RELN: variants seen among roughly 807,000 people sequenced by gnomAD.
RELN encodes reelin.
A neutral mutation model predicts 427.6 loss-of-function variants in RELN; 108 were observed. The observed-to-expected ratio is 0.25, with a 90% CI of 0.22 to 0.30. The LOEUF (loss-of-function observed/expected upper bound fraction) is 0.30. Ranked by LOEUF, RELN falls within the 10% of genes least tolerant of loss-of-function variation. The pLI, the probability that RELN is intolerant of heterozygous loss-of-function variation, is 1.00. For synonymous variants in RELN, 1,524 were observed against 1,513.4 expected, an observed-to-expected ratio of 1.01 and a Z score of -0.16; for missense variants, 3,715 against 4,302.8, an observed-to-expected ratio of 0.86 and a Z score of 3.82.
chr7:103,969,592 A>C (rs1051918112), intron 1 of RELN, among the ~76,000 whole-genome samples: 1 of 152,252 alleles, frequency 6.6e-6, no homozygotes, highest in African/African-American at 2.4e-5. Flanking sequence ...AATAAATTAA[A>C]TAGGTATCAC....
rs754773583 is a variant in RELN, at chr7:103,697,853, C to T, written c.1143G>A (p.Lys381=). 1.9e-6 allele frequency: 3 copies of T among 1,613,528 alleles called. No homozygotes were observed. The highest frequency in any genetic ancestry group is 1.1e-5 in the South Asian group (1 of 91,062). ...NWLFFPGATV[K]HSCQSDGNSI... The stretch of plus-strand genomic sequence containing the variant: ...CCCAAAAACTAAAAAGAGCTCTAAC[C>T]TTAACTGTAGCTCCTGGGAAGAAAA... The change falls in exon 10 of 65, where the codon AAG becomes AAA. Residue 381 remains lysine, a splice_region_variant and synonymous_variant. Coordinates refer to ENST00000428762, the MANE Select transcript of RELN (RefSeq NM_005045.4).
At chr7:103,838,208 C>CAAAAAAAA (rs58553259) in intron 2 of RELN, among the ~76,000 whole-genome samples, 2 of 81,082 alleles carry the variant, frequency 2.5e-5, no homozygotes, top group African/African-American at 1.0e-4. Flanking sequence ...GACTTCGTCT[C>CAAAAAAAA]AAAAAAAAAA....
intron 60 of RELN, among the ~76,000 whole-genome samples, chr7:103,486,841 A>G (rs955183470): frequency 9.9e-5 from 15 of 152,246 alleles, no homozygotes; most frequent in African/African-American, 3.6e-4. Context: ...TGTAGAAGAC[A>G]GTGTGGTGAT....
rs776160707 is a variant in RELN at position 103,561,550 on chromosome 7, T to C, written c.5511A>G (p.Thr1837=). The change falls in exon 36 of 65, where the codon ACA becomes ACG. Residue 1837 remains threonine (T), a synonymous_variant. Coordinates refer to ENST00000428762, the MANE Select transcript of RELN (RefSeq NM_005045.4). ...NLNGETIKSG[T]SLIFKGEGLR... ...ATCTGACCCCTTTAAAAATTAGAGA[T>C]GTTCCAGATTTGATGGTTTCACCAT... 2 of 1,613,624 alleles carry C rather than the reference T, an allele frequency of 1.2e-6. No individual in the cohort carries two copies. Among genetic ancestry groups the C allele is most frequent in the Non-Finnish European group, 1.7e-6 (2 of 1,179,544 alleles).
chr7:103,855,541 A>G (rs1793925289), intron 2 of RELN, among the ~76,000 whole-genome samples: 1 of 152,252 alleles, frequency 6.6e-6, no homozygotes, highest in South Asian at 2.1e-4. Context: ...ATTATTAAGA[A>G]GAGAGGCAGA....
At chr7:103,571,169 T>C (rs1562897940) in intron 31 of RELN, among the ~76,000 whole-genome samples, 1 of 152,178 alleles carries the variant, frequency 6.6e-6, no homozygotes, top group African/African-American at 2.4e-5. Context: ...TACTGACTAA[T>C]AGGTATTGTT....
chr7:103,538,970 T>G, intron 45 of RELN, 108 bp downstream of exon 45: 1 of 1,231,354 alleles, frequency 8.1e-7, no homozygotes, highest in Non-Finnish European at 1.2e-6. Flanking sequence ...AGTGCACTTG[T>G]GTTTTATTTA....
rs1302739552 is a variant in RELN at position 103,755,621 on chromosome 7, A to T, written c.545-2407T>A. ...AGACTCTGTCTCAAAAAAAAAATAAAAAAAATAAAATAAATAAAATAAAAT... is the reference window on the plus strand; with the variant it reads ...AGACTCTGTCTCAAAAAAAAAATAATAAAAATAAAATAAATAAAATAAAAT... On this transcript the variant is annotated intron_variant, in intron 4 of 64. Transcript: ENST00000428762. Among the ~76,000 whole-genome samples the T allele has an allele frequency of 1.3e-4, 13 of 102,584 alleles. No homozygotes were observed. In the East Asian group the frequency reaches 1.8e-3, roughly 14 times the overall value. 67.3% of individuals were successfully genotyped at this position (102,584 alleles called of 152,430 possible).
At chr7:103,734,658 C>T (rs1211292708) in intron 6 of RELN, among the ~76,000 whole-genome samples, 2 of 152,106 alleles carry the variant, frequency 1.3e-5, no homozygotes, top group Admixed American at 6.6e-5. Flanking sequence ...TGAAATATCA[C>T]TGCATCTCAT....
intron 28 of RELN, among the ~76,000 whole-genome samples, chr7:103,586,707 G>A (rs1022453452): frequency 1.3e-5 from 2 of 152,096 alleles, no homozygotes; most frequent in African/African-American, 4.8e-5. Flanking sequence ...CAAAATAAAC[G>A]TACAAAAATC....
At chr7:103,928,223 G>A (rs551768208) in intron 1 of RELN, among the ~76,000 whole-genome samples, 20 of 152,226 alleles carry the variant, frequency 1.3e-4, no homozygotes, top group African/African-American at 3.4e-4. Flanking sequence ...CTCAAATTCT[G>A]TATGCTGGAC....
At chr7:103,658,712 C>T (rs1833074118) in intron 12 of RELN, among the ~76,000 whole-genome samples, 1 of 151,958 alleles carries the variant, frequency 6.6e-6, no homozygotes, top group African/African-American at 2.4e-5. Flanking sequence ...ATTTTTAACT[C>T]CATGTATTAT....
chr7:103,831,032 T>C (rs1793261514), intron 3 of RELN, among the ~76,000 whole-genome samples: 1 of 151,978 alleles, frequency 6.6e-6, no homozygotes, highest in Non-Finnish European at 1.5e-5. Flanking sequence ...ATACCTAAGT[T>C]ATTTCTCAGA....
intron 2 of RELN, among the ~76,000 whole-genome samples, chr7:103,846,815 T>C (rs1232458673): frequency 6.6e-6 from 1 of 151,692 alleles, no homozygotes; most frequent in East Asian, 1.9e-4. Context: ...CAAATATAAA[T>C]AAAAAAGCTC....
intron 46 of RELN, among the ~76,000 whole-genome samples, chr7:103,525,824 A>G (rs181676319): frequency 3.5e-4 from 54 of 152,186 alleles, no homozygotes; most frequent in Admixed American, 3.5e-3. Context: ...GGTTCCCCTA[A>G]TATCTTACAC....
intron 6 of RELN, among the ~76,000 whole-genome samples, chr7:103,737,447 T>A (rs1790523056): frequency 6.6e-6 from 1 of 152,060 alleles, no homozygotes; most frequent in Non-Finnish European, 1.5e-5. Flanking sequence ...AATGGAGGAG[T>A]CTTCTGTTTT....
rs566527502 is a variant in RELN at position 103,639,813 on chromosome 7, G to C, written c.2069+730C>G. On this transcript the variant is annotated intron_variant, in intron 17 of 64. Coordinates refer to ENST00000428762, the MANE Select transcript of RELN (RefSeq NM_005045.4). ...TGGAGGGACAAGAAAAAGTAGACTA[G>C]ATGATCAGCTGTTGAACACTTATCT... Among the ~76,000 whole-genome samples the C allele has an allele frequency of 4.0e-5, 6 of 151,658 alleles. No individual in the cohort carries two copies. The South Asian group carries it at 1.2e-3, about 31-fold the overall frequency.
chr7:103,881,140 C>T (rs1194493110), intron 2 of RELN, among the ~76,000 whole-genome samples: 2 of 152,130 alleles, frequency 1.3e-5, no homozygotes, highest in African/African-American at 4.8e-5. Flanking sequence ...TCCCTACCAC[C>T]TATTAAGTGC....
At chr7:103,707,312 A>C (rs1002448773) in intron 8 of RELN, among the ~76,000 whole-genome samples, 1 of 152,170 alleles carries the variant, frequency 6.6e-6, no homozygotes, top group South Asian at 2.1e-4. Context: ...AAACTATGGA[A>C]AGGCACTATA....
Sources: allele counts gnomAD v4.1 joint callset (sites outside exome capture counted in the v4.1 genomes callset), GRCh38; gene constraint gnomAD v4.1.1; transcripts MANE v1.5; gene names NCBI Gene and HGNC (gene_info 2026-07-23, HGNC 2026-07-21).